FOXP2: variants seen among roughly 807,000 people sequenced by gnomAD.
FOXP2 encodes forkhead box P2.
A neutral mutation model predicts 115.8 loss-of-function variants in FOXP2; 12 were observed. The ratio of observed to expected loss-of-function variants is 0.10; its 90% CI spans 0.07 to 0.17. FOXP2 has a LOEUF of 0.17. Ranked by LOEUF, FOXP2 falls within the 10% of genes least tolerant of loss-of-function variation. The pLI, the probability that FOXP2 is intolerant of heterozygous loss-of-function variation, is 1.00. For missense variants in FOXP2, 629 were observed against 843.5 expected, an observed-to-expected ratio of 0.75 and a Z score of 3.15; for synonymous variants, 328 against 297.7, an observed-to-expected ratio of 1.10 and a Z score of -1.05.
chr7:114,322,957 G>C (rs961627499), intron 2 of FOXP2, among the ~76,000 whole-genome samples: 1 of 152,124 alleles, frequency 6.6e-6, no homozygotes, highest in Non-Finnish European at 1.5e-5. Context: ...CAATGTCACA[G>C]AGAACTTGTG....
chr7:114,690,566 A>C lies in FOXP2; in HGVS notation c.*640A>C, dbSNP rs1320629026. The stretch of plus-strand genomic sequence containing the variant: ...AATTAGACTGTTGCAACCATCTAAA[A>C]CCTTAGGCTTCCAGTCTGTGCTGTT... On this transcript the variant is annotated 3_prime_UTR_variant, in exon 17 of 17. Transcript: ENST00000350908. 2.2e-6 allele frequency: 1 copy of C among 453,944 alleles called. No individual in the cohort carries two copies. Among genetic ancestry groups the C allele is most frequent in the African/African-American group, 2.0e-5 (1 of 50,004 alleles). 28.1% of individuals were successfully genotyped at this position (453,944 alleles called of 1,614,324 possible). A position where few individuals can be genotyped will look rare whatever the true frequency, so the allele number is the denominator to read the frequency against.
intron 3 of FOXP2, among the ~76,000 whole-genome samples, chr7:114,557,035 G>A (rs12671264): frequency 0.17 from 26,155 of 151,684 alleles, 2,696 homozygotes; most frequent in African/African-American, 0.29. Context: ...TTCATTTCTT[G>A]AAATTAATAT....
At chr7:114,130,874 C>T (rs1358098838) in intron 1 of FOXP2, among the ~76,000 whole-genome samples, 2 of 152,142 alleles carry the variant, frequency 1.3e-5, no homozygotes. Flanking sequence ...TATGCCAGAT[C>T]ATTATAAGCT....
intron 3 of FOXP2, among the ~76,000 whole-genome samples, chr7:114,551,045 T>G (rs1439327405): frequency 6.6e-6 from 1 of 151,998 alleles, no homozygotes; most frequent in African/African-American, 2.4e-5. Context: ...AGAAAGAGAG[T>G]TCAGGAGAAT....
At chr7:114,579,528 C>T (rs1801733009) in intron 3 of FOXP2, among the ~76,000 whole-genome samples, 1 of 152,070 alleles carries the variant, frequency 6.6e-6, no homozygotes, top group Admixed American at 6.6e-5. Context: ...CTACCTTCTG[C>T]TTCTGTTCTC....
intron 2 of FOXP2, among the ~76,000 whole-genome samples, chr7:114,462,144 G>A (rs1319851942): frequency 2.0e-5 from 3 of 151,126 alleles, no homozygotes; most frequent in South Asian, 2.1e-4. Context: ...AGCCGGGCGC[G>A]GTGGCACGTG....
chr7:114,215,544 C>T (rs910693809), intron 1 of FOXP2, among the ~76,000 whole-genome samples: 14 of 151,994 alleles, frequency 9.2e-5, no homozygotes, highest in Admixed American at 2.6e-4. Context: ...TGAAATACTA[C>T]GGTTTATAGT....
chr7:114,095,308 A>G (rs1462738933), intron 1 of FOXP2, among the ~76,000 whole-genome samples: 3 of 152,222 alleles, frequency 2.0e-5, no homozygotes, highest in African/African-American at 7.2e-5. Flanking sequence ...AGCTATTTGT[A>G]TAACATGTTT....
chr7:114,491,228 GT>G (rs1195875047), intron 2 of FOXP2, among the ~76,000 whole-genome samples: 1 of 152,128 alleles, frequency 6.6e-6, no homozygotes, highest in Admixed American at 6.6e-5. Context: ...TCTCATTGTG[GT>G]TTTGATTTGC....
chr7:114,417,007 A>T (rs1338441507), intron 1 of FOXP2, among the ~76,000 whole-genome samples: 1 of 151,934 alleles, frequency 6.6e-6, no homozygotes, highest in Non-Finnish European at 1.5e-5. Flanking sequence ...TAAAAGGTGG[A>T]TAGATAATTT....
At chr7:114,645,506 T>C (rs1441209722) in intron 8 of FOXP2, 4 of 152,190 alleles carry the variant, frequency 2.6e-5, no homozygotes, top group African/African-American at 9.6e-5. Context: ...TCTTCATCTT[T>C]CATGAAATGT....
chr7:114,368,500 C>T (rs1386181389), intron 2 of FOXP2, among the ~76,000 whole-genome samples: 5 of 152,126 alleles, frequency 3.3e-5, no homozygotes, highest in East Asian at 3.8e-4. Context: ...TTGGAGGCTG[C>T]GTTGATCATA....
At chr7:114,482,011 T>A (rs1004457362) in intron 2 of FOXP2, among the ~76,000 whole-genome samples, 4 of 151,370 alleles carry the variant, frequency 2.6e-5, no homozygotes, top group African/African-American at 7.2e-5. Flanking sequence ...CACCATTGAT[T>A]ACTCTTCTTT....
At chr7:114,472,489 G>A (rs112457017) in intron 2 of FOXP2, among the ~76,000 whole-genome samples, 2,472 of 152,026 alleles carry the variant, frequency 0.016, 40 homozygotes, top group Non-Finnish European at 0.025. Flanking sequence ...GGGACTACAG[G>A]CCTGTACCAC....
At chr7:114,530,202 C>T (rs1799075726) in intron 2 of FOXP2, among the ~76,000 whole-genome samples, 1 of 151,832 alleles carries the variant, frequency 6.6e-6, no homozygotes, top group Non-Finnish European at 1.5e-5. Context: ...ACCTCACTAT[C>T]TGAAACCAAT....
intron 2 of FOXP2, among the ~76,000 whole-genome samples, chr7:114,501,607 T>C (rs1029911338): frequency 1.3e-4 from 20 of 152,068 alleles, no homozygotes; most frequent in Admixed American, 1.2e-3. Context: ...TGTGCAACCT[T>C]GAAGCTGTGA....
At chr7:114,126,577 G>T (rs1056444171) in intron 1 of FOXP2, among the ~76,000 whole-genome samples, 2 of 152,052 alleles carry the variant, frequency 1.3e-5, no homozygotes, top group African/African-American at 2.4e-5. Context: ...TGACATGTGG[G>T]TATATGCAAA....
intron 3 of FOXP2, among the ~76,000 whole-genome samples, chr7:114,587,882 T>TATATAAAGGTG (rs1401649414): frequency 1.6e-5 from 1 of 61,324 alleles, no homozygotes; most frequent in East Asian, 8.5e-4. Context: ...GATAATTAAA[T>TATATAAAGGTG]CCACCTTTCT....
intron 1 of FOXP2, among the ~76,000 whole-genome samples, chr7:114,255,646 G>A (rs538387053): frequency 7.2e-5 from 11 of 152,272 alleles, no homozygotes; most frequent in African/African-American, 2.2e-4. Flanking sequence ...TTGGAAAAGC[G>A]CAGTATTAAG....
Sources: gnomAD v4.1 joint callset for allele counts (sites outside exome capture counted in the v4.1 genomes callset) on GRCh38, gnomAD v4.1.1 for gene constraint, MANE v1.5 for transcripts, NCBI Gene and HGNC (gene_info 2026-07-23, HGNC 2026-07-21) for gene names.